Variants in IL1RAPL1 observed in about 807,000 individuals in gnomAD.
IL1RAPL1 encodes interleukin 1 receptor accessory protein like 1.
A neutral mutation model predicts 48.4 loss-of-function variants in IL1RAPL1; 3 were observed. The observed-to-expected ratio is 0.06, with a 90% CI of 0.03 to 0.16. The LOEUF (loss-of-function observed/expected upper bound fraction) is 0.16. Among genes scored for constraint, IL1RAPL1 ranks in the 10% least tolerant of loss-of-function variants. The pLI, the probability that IL1RAPL1 is intolerant of heterozygous loss-of-function variation, is 1.00. For synonymous variants in IL1RAPL1, 185 were observed against 187.7 expected, an observed-to-expected ratio of 0.99 and a Z score of 0.12; for missense variants, 349 against 530.6, an observed-to-expected ratio of 0.66 and a Z score of 3.36.
intron 1 of IL1RAPL1, among the ~76,000 whole-genome samples, chrX:28,710,152 G>C (rs1250223355): frequency 1.8e-5 from 2 of 111,104 alleles, no homozygotes; most frequent in African/African-American, 6.5e-5. Flanking sequence ...CTGGGCACTG[G>C]TTCCAGTATA....
chrX:29,413,749 A>G (rs986114268), intron 5 of IL1RAPL1, among the ~76,000 whole-genome samples: 17 of 110,910 alleles, frequency 1.5e-4, no homozygotes, highest in Non-Finnish European at 1.1e-4. Context: ...TTCATTGACC[A>G]TTAAGTAATG....
Position 28,843,938 on chromosome X carries a change from A to G in IL1RAPL1, c.82+54513A>G, listed in dbSNP as rs753532610. Among the ~76,000 whole-genome samples the G allele has an allele frequency of 5.5e-5, 6 of 110,075 alleles. No individual in the cohort carries two copies. The South Asian group carries it at 2.4e-3, about 44-fold the overall frequency. ...TTGGGAGTTTGCTACTTGAAAATCA[A>G]TAGTCTGCATTCTCTGCCTTATTGT... On this transcript the variant is annotated intron_variant, in intron 2 of 10. Coordinates refer to ENST00000378993, the MANE Select transcript of IL1RAPL1 (RefSeq NM_014271.4).
chrX:29,174,430 A>T (rs1929968896), intron 2 of IL1RAPL1, among the ~76,000 whole-genome samples: 1 of 112,341 alleles, frequency 8.9e-6, no homozygotes. Context: ...AAATAGAAAA[A>T]TGAAATATAT....
chrX:28,726,917 A>G (rs1217199204), intron 1 of IL1RAPL1, among the ~76,000 whole-genome samples: 1 of 112,068 alleles, frequency 8.9e-6, no homozygotes, highest in African/African-American at 3.2e-5. Flanking sequence ...TTGTAGATGC[A>G]TCTGGCTCAA....
intron 5 of IL1RAPL1, among the ~76,000 whole-genome samples, chrX:29,586,563 C>G (rs1269967257): frequency 9.0e-6 from 1 of 110,989 alleles, no homozygotes; most frequent in Non-Finnish European, 1.9e-5. Context: ...TTTTTTTTAC[C>G]TATTTCTGTA....
intron 3 of IL1RAPL1, among the ~76,000 whole-genome samples, chrX:29,286,511 G>A (rs781440856): frequency 9.1e-5 from 10 of 110,330 alleles, no homozygotes; most frequent in Admixed American, 4.9e-4. Flanking sequence ...GTGAGACCCC[G>A]TGTCTACAAA....
intron 1 of IL1RAPL1, among the ~76,000 whole-genome samples, chrX:28,679,418 TA>T (rs1192348858): frequency 1.6e-4 from 18 of 111,869 alleles, no homozygotes; most frequent in East Asian, 5.6e-4. Flanking sequence ...TTTTTGTTTT[TA>T]TTTTTTTTAC....
intron 1 of IL1RAPL1, among the ~76,000 whole-genome samples, chrX:28,630,781 GA>G (rs1336819930): frequency 8.9e-6 from 1 of 112,200 alleles, no homozygotes; most frequent in Non-Finnish European, 1.9e-5. Context: ...AATTCCTAGT[GA>G]AAATATACAT....
At chrX:28,706,482 G>T (rs58277195) in intron 1 of IL1RAPL1, among the ~76,000 whole-genome samples, 1 of 106,478 alleles carries the variant, frequency 9.4e-6, no homozygotes, top group Admixed American at 1.0e-4. Context: ...GTGTGATCTC[G>T]GCTCACTGCA....
In IL1RAPL1 at chrX:29,578,738, C is replaced by G. The variant is rs745429477; in HGVS notation, c.704-89692C>G. On this transcript the variant is annotated intron_variant, in intron 5 of 10. Transcript: ENST00000378993. ...CTTGTTCTTTTATAATCTTGTACCT[C>G]TAGTTTCACTATACATCAAAAAGAT... 2.7e-5 allele frequency among the ~76,000 whole-genome samples: 3 copies of G among 112,054 alleles called. No homozygotes were observed. In the East Asian group the frequency reaches 8.4e-4, roughly 31 times the overall value.
At position 29,141,126 on chromosome X, in the gene IL1RAPL1, T is replaced by C. The variant is rs184595596; in HGVS notation, c.83-141812T>C. On this transcript the variant is annotated intron_variant, in intron 2 of 10. Coordinates refer to ENST00000378993, the MANE Select transcript of IL1RAPL1 (RefSeq NM_014271.4). ...GAGAATATAAAGGCACAGACACATA[T>C]TGAAAGACTATTTATAAAGCTTGTA... 4.5e-5 allele frequency among the ~76,000 whole-genome samples: 5 copies of C among 110,866 alleles called. No individual in the cohort carries two copies. The East Asian group carries it at 1.1e-3, about 25-fold the overall frequency.
intron 2 of IL1RAPL1, among the ~76,000 whole-genome samples, chrX:29,196,922 A>G (rs890753955): frequency 1.8e-5 from 2 of 110,234 alleles, no homozygotes; most frequent in South Asian, 7.7e-4. Flanking sequence ...CTTACCTTCT[A>G]TCTAGTGTAT....
At chrX:28,797,003 C>T (rs1936620808) in intron 2 of IL1RAPL1, among the ~76,000 whole-genome samples, 1 of 112,457 alleles carries the variant, frequency 8.9e-6, no homozygotes, top group Non-Finnish European at 1.9e-5. Context: ...CACTGCCAGG[C>T]TCAACACCAT....
rs761175843 is a variant in IL1RAPL1 at position 29,048,161 on chromosome X, T to G, written c.83-234777T>G. ...CCATATTAGTGTCTCATTCTATGAA[T>G]GAATGAATAAATTAATGAAGAATGA... On this transcript the variant is annotated intron_variant, in intron 2 of 10. Coordinates refer to ENST00000378993, the MANE Select transcript of IL1RAPL1 (RefSeq NM_014271.4). 7.1e-5 allele frequency among the ~76,000 whole-genome samples: 8 copies of G among 111,923 alleles called. No individual in the cohort carries two copies. The East Asian group carries it at 2.0e-3, about 28-fold the overall frequency.
In IL1RAPL1 at chrX:29,418,504, T is replaced by C. The variant is rs145517808; in HGVS notation, c.703+19196T>C. ...TCATGTTTCTGTGTATCAACTTTTA[T>C]AAGTCCACTACTCAAAATGTAACCT... On this transcript the variant is annotated intron_variant, in intron 5 of 10. Coordinates refer to ENST00000378993, the MANE Select transcript of IL1RAPL1 (RefSeq NM_014271.4). Among the ~76,000 whole-genome samples the C allele has an allele frequency of 8.8e-3, 978 of 111,449 alleles. 10 individuals carry two copies. Among genetic ancestry groups the C allele is most frequent in the African/African-American group, 0.03 (935 of 30,686 alleles).
intron 1 of IL1RAPL1, among the ~76,000 whole-genome samples, chrX:28,688,309 A>G (rs1935136892): frequency 9.2e-6 from 1 of 108,969 alleles, no homozygotes; most frequent in African/African-American, 3.3e-5. Context: ...GGGAGGCTCA[A>G]GTGGTCCTCC....
intron 5 of IL1RAPL1, among the ~76,000 whole-genome samples, chrX:29,510,675 C>T (rs920873350): frequency 9.0e-6 from 1 of 111,549 alleles, no homozygotes; most frequent in South Asian, 3.8e-4. Flanking sequence ...CTGCAAAAAC[C>T]ATTCTATCTC....
At chrX:28,626,522 A>G (rs970608924) in intron 1 of IL1RAPL1, among the ~76,000 whole-genome samples, 1 of 111,766 alleles carries the variant, frequency 8.9e-6, no homozygotes, top group Non-Finnish European at 1.9e-5. Context: ...TTAGGAGTGA[A>G]TTTCTTTCTT....
chrX:29,518,271 A>C (rs965077009), intron 5 of IL1RAPL1, among the ~76,000 whole-genome samples: 5 of 111,199 alleles, frequency 4.5e-5, no homozygotes, highest in Non-Finnish European at 9.4e-5. Flanking sequence ...TGCTTGTAAA[A>C]TTTTAATGTG....
Sources: allele counts gnomAD v4.1 joint callset (sites outside exome capture counted in the v4.1 genomes callset), GRCh38; gene constraint gnomAD v4.1.1; transcripts MANE v1.5; gene names NCBI Gene and HGNC (gene_info 2026-07-23, HGNC 2026-07-21).